TRHR: variants seen among roughly 807,000 people sequenced by gnomAD.
The protein encoded by TRHR is thyrotropin-releasing hormone receptor.
In TRHR, 14 loss-of-function variants were observed where a neutral mutation model predicts 28.0. The observed-to-expected ratio is 0.50, with a 90% CI of 0.33 to 0.78. The LOEUF is 0.78. Among genes scored for constraint, TRHR ranks in the 30% least tolerant of loss-of-function variants. The pLI, the probability that TRHR is intolerant of heterozygous loss-of-function variation, is 0.02. For missense variants in TRHR, 438 were observed against 469.5 expected, an observed-to-expected ratio of 0.93 and a Z score of 0.62; for synonymous variants, 176 against 171.9, an observed-to-expected ratio of 1.02 and a Z score of -0.18.
At chr8:109,105,359 C>T (rs1258684844) in intron 2 of TRHR, among the ~76,000 whole-genome samples, 1 of 152,116 alleles carries the variant, frequency 6.6e-6, no homozygotes, top group East Asian at 1.9e-4. Context: ...GAGATAGAGG[C>T]TATATCTGCC....
At position 109,119,293 on chromosome 8, in the gene TRHR, T is replaced by C; in HGVS notation, c.1035T>C (p.Pro345=). 1 of 1,612,760 alleles carries C rather than the reference T, an allele frequency of 6.2e-7. No homozygotes were observed. The highest frequency in any genetic ancestry group is 1.1e-5 in the South Asian group (1 of 91,052). ...GCAAGCAGAAGCCAACAGAGAAACCTGCTAACTACAGTGTGGCCCTAAATT... is the reference window on the plus strand; with the variant it reads ...GCAAGCAGAAGCCAACAGAGAAACCCGCTAACTACAGTGTGGCCCTAAATT... ...CNCKQKPTEK[P]ANYSVALNYS... The change falls in exon 3 of 3, where the codon CCT becomes CCC. Residue 345 remains proline, a synonymous_variant. Coordinates refer to ENST00000518632, the MANE Select transcript of TRHR (RefSeq NM_003301.7).
chr8:109,093,556 C>T (rs1394022917), intron 2 of TRHR, among the ~76,000 whole-genome samples: 1 of 151,830 alleles, frequency 6.6e-6, no homozygotes, highest in East Asian at 1.9e-4. Flanking sequence ...CAGGCATGCA[C>T]CACCATGGCC....
At chr8:109,094,056 G>A (rs184714446) in intron 2 of TRHR, among the ~76,000 whole-genome samples, 20 of 152,170 alleles carry the variant, frequency 1.3e-4, no homozygotes, top group Admixed American at 1.1e-3. Context: ...AATTGTAAAC[G>A]TAAGCAGCTG....
intron 2 of TRHR, among the ~76,000 whole-genome samples, chr8:109,101,627 T>C (rs1480521665): frequency 6.6e-6 from 1 of 152,210 alleles, no homozygotes; most frequent in East Asian, 1.9e-4. Context: ...GTGTAACTTA[T>C]GTAAGTGTTG....
At chr8:109,108,274 A>G (rs1017528988) in intron 2 of TRHR, among the ~76,000 whole-genome samples, 10 of 152,180 alleles carry the variant, frequency 6.6e-5, no homozygotes, top group Non-Finnish European at 1.5e-4. Context: ...CTCCTTCTCC[A>G]TCATTTGCAT....
intron 2 of TRHR, among the ~76,000 whole-genome samples, chr8:109,092,585 C>T (rs975282986): frequency 6.6e-5 from 10 of 151,736 alleles, no homozygotes; most frequent in African/African-American, 9.7e-5. Context: ...TACAGGTGTG[C>T]GCCAACACAC....
chr8:109,104,872 C>T (rs1425063691), intron 2 of TRHR, among the ~76,000 whole-genome samples: 14 of 152,074 alleles, frequency 9.2e-5, no homozygotes. Flanking sequence ...GTAATCTCAG[C>T]TACTTGGAAA....
intron 2 of TRHR, among the ~76,000 whole-genome samples, chr8:109,092,960 C>A (rs1811538158): frequency 2.0e-5 from 3 of 150,662 alleles, no homozygotes; most frequent in Non-Finnish European, 2.9e-5. Context: ...TTTTTAAACA[C>A]AATTATAGTC....
At chr8:109,103,313 A>G (rs1220045880) in intron 2 of TRHR, among the ~76,000 whole-genome samples, 2 of 152,064 alleles carry the variant, frequency 1.3e-5, no homozygotes, top group African/African-American at 4.8e-5. Context: ...CTTTATCTTT[A>G]AAGAATTCTA....
At chr8:109,098,686 C>A (rs147756389) in intron 2 of TRHR, among the ~76,000 whole-genome samples, 43 of 152,272 alleles carry the variant, frequency 2.8e-4, no homozygotes, top group African/African-American at 9.6e-4. Context: ...ATTTCTGTCT[C>A]TGTTACACTC....
At chr8:109,095,795 G>A (rs1811579705) in intron 2 of TRHR, among the ~76,000 whole-genome samples, 1 of 152,008 alleles carries the variant, frequency 6.6e-6, no homozygotes, top group Non-Finnish European at 1.5e-5. Context: ...CCAGAAACCT[G>A]GGGGTCCTTC....
rs776797228 is a variant in TRHR at position 109,119,376 on chromosome 8, C to A, written c.1118C>A (p.Thr373Asn). 9.9e-6 allele frequency: 16 copies of A among 1,612,296 alleles called. No individual in the cohort carries two copies. The highest frequency in any genetic ancestry group is 4.2e-6 in the Non-Finnish European group (5 of 1,179,074). The change falls in exon 3 of 3, where the codon ACT becomes AAT. Residue 373 changes from threonine (T) to asparagine (N), a missense_variant. By Grantham distance (65) the Thr-to-Asn change is moderately conservative. Transcript: ENST00000518632. Reference protein sequence around the residue: ...FSTELDDITVTDTYLSATKVS... With the variant: ...FSTELDDITVNDTYLSATKVS... Reference sequence around the variant, plus strand: ...ACAGAGCTTGATGATATCACTGTCACTGACACTTACCTGTCTGCCACAAAA... The same window carrying A: ...ACAGAGCTTGATGATATCACTGTCAATGACACTTACCTGTCTGCCACAAAA...
intron 2 of TRHR, among the ~76,000 whole-genome samples, chr8:109,111,205 G>A (rs1184650418): frequency 1.3e-5 from 2 of 152,064 alleles, no homozygotes; most frequent in African/African-American, 4.8e-5. Flanking sequence ...AATGTCCAGA[G>A]ATAAGTCAAA....
At chr8:109,095,525 G>A (rs942667632) in intron 2 of TRHR, among the ~76,000 whole-genome samples, 2 of 152,054 alleles carry the variant, frequency 1.3e-5, no homozygotes, top group Non-Finnish European at 2.9e-5. Context: ...GCCAGATTGT[G>A]GTCCTGCTAC....
At chr8:109,116,651 C>G (rs887493797) in intron 2 of TRHR, among the ~76,000 whole-genome samples, 4 of 151,962 alleles carry the variant, frequency 2.6e-5, no homozygotes, top group East Asian at 1.9e-4. Flanking sequence ...TGGTGATATC[C>G]CCTTTATCAT....
intron 2 of TRHR, among the ~76,000 whole-genome samples, chr8:109,098,987 G>A (rs556728295): frequency 5.9e-5 from 9 of 152,060 alleles, no homozygotes; most frequent in Non-Finnish European, 7.4e-5. Context: ...TTGTGTCCAC[G>A]GTGCCTCCAT....
chr8:109,106,604 T>C (rs1203524302), intron 2 of TRHR, among the ~76,000 whole-genome samples: 7 of 152,178 alleles, frequency 4.6e-5, no homozygotes, highest in Non-Finnish European at 1.0e-4. Context: ...AAGGAATCTT[T>C]ACACATTGAT....
chr8:109,118,288 G>C (rs1419879442), intron 2 of TRHR, among the ~76,000 whole-genome samples: 2 of 151,886 alleles, frequency 1.3e-5, no homozygotes, highest in African/African-American at 2.4e-5. Context: ...AAACACCTTG[G>C]ATAGTGTCTG....
chr8:109,107,528 A>T (rs755983975), intron 2 of TRHR, among the ~76,000 whole-genome samples: 56 of 152,208 alleles, frequency 3.7e-4, no homozygotes, highest in Non-Finnish European at 6.9e-4. Flanking sequence ...AACCCTGACC[A>T]TATCATCCAA....
Sources: gnomAD v4.1 joint callset for allele counts (sites outside exome capture counted in the v4.1 genomes callset) on GRCh38, gnomAD v4.1.1 for gene constraint, MANE v1.5 for transcripts, NCBI Gene and HGNC (gene_info 2026-07-23, HGNC 2026-07-21) for gene names.